Variants in PARP4 observed in about 807,000 individuals in gnomAD.
PARP4 encodes poly(ADP-ribose) polymerase family member 4.
A neutral mutation model predicts 187.7 loss-of-function variants in PARP4; 120 were observed. The observed-to-expected ratio is 0.64, with a 90% CI of 0.55 to 0.74. The LOEUF is 0.74. Ranked by LOEUF, PARP4 falls within the 30% of genes least tolerant of loss-of-function variation. PARP4 has a pLI of 0.00. For missense variants in PARP4, 1,836 were observed against 2,070.5 expected, an observed-to-expected ratio of 0.89 and a Z score of 2.20; for synonymous variants, 654 against 740.9, an observed-to-expected ratio of 0.88 and a Z score of 1.90.
rs748121196 is a variant in PARP4 at position 24,435,310 on chromosome 13, T to C, written c.3831A>G (p.Glu1277=). 1 of 1,612,728 alleles carries C rather than the reference T, an allele frequency of 6.2e-7. No homozygotes were observed. Among genetic ancestry groups the C allele is most frequent in the Non-Finnish European group, 8.5e-7 (1 of 1,179,882 alleles). The change falls in exon 31 of 34, where the codon GAA becomes GAG. Residue 1277 remains glutamate, a synonymous_variant. Coordinates refer to ENST00000381989, the MANE Select transcript of PARP4 (RefSeq NM_006437.4). Reference sequence around the variant, plus strand: ...CCAATAGCTTTTCCACACCTCCACGTTCCAAATTTGATGTGAAAGCTGGTA... The same window carrying C: ...CCAATAGCTTTTCCACACCTCCACGCTCCAAATTTGATGTGAAAGCTGGTA... ...GVLPAFTSNL[E]RGGVEKLLDL...
intron 9 of PARP4, among the ~76,000 whole-genome samples, 176 bp from the exon 10 acceptor site, chr13:24,491,004 T>C (rs890181883): frequency 2.0e-5 from 3 of 152,180 alleles, no homozygotes; most frequent in African/African-American, 4.8e-5. Flanking sequence ...TGTAGTGGCA[T>C]GACCATAGCT....
In PARP4 at chr13:24,462,153, G is replaced by A. The variant is rs146593307; in HGVS notation, c.2134-2017C>T. Among the ~76,000 whole-genome samples, 9 of 152,330 alleles carry A rather than the reference G, an allele frequency of 5.9e-5. No individual in the cohort carries two copies. In the East Asian group the frequency reaches 1.4e-3, roughly 23 times the overall value. ...GAAGAATGCCCCTGCCCCACCAGGAGCCTAGTACAGCACATCAAGCAACAG... is the reference window on the plus strand; with the variant it reads ...GAAGAATGCCCCTGCCCCACCAGGAACCTAGTACAGCACATCAAGCAACAG... On this transcript the variant is annotated intron_variant, in intron 17 of 33. Coordinates refer to ENST00000381989, the MANE Select transcript of PARP4 (RefSeq NM_006437.4).
At chr13:24,434,260 T>C in intron 31 of PARP4, 135 bp downstream of exon 31, 1 of 558,750 alleles carries the variant, frequency 1.8e-6, no homozygotes. Context: ...AGCAGTATGA[T>C]TTATACCCAG....
chr13:24,453,308 G>GA (rs1051389935), intron 23 of PARP4, among the ~76,000 whole-genome samples: 3 of 149,928 alleles, frequency 2.0e-5, no homozygotes, highest in Non-Finnish European at 4.4e-5. Flanking sequence ...CATTTTAAGA[G>GA]AAAAAAAACA....
intron 5 of PARP4, among the ~76,000 whole-genome samples, chr13:24,498,743 T>C (rs1869101002): frequency 8.1e-6 from 1 of 123,086 alleles, no homozygotes. Flanking sequence ...TTGATTTTCA[T>C]TTGTGGGGAA....
rs370132349 is a variant in PARP4 at position 24,475,464 on chromosome 13, C to T, written c.1914+8G>A. ...AGTTTAAGTGTCATAAAGCCACAGA[C>T]AACATACCTGGGCTACAGTGTCTAT... is the stretch of plus-strand genomic sequence containing the variant. On this transcript the variant is annotated splice_region_variant and intron_variant, in intron 15 of 33. Transcript: ENST00000381989. 7 of 1,612,694 alleles carry T rather than the reference C, an allele frequency of 4.3e-6. No individual in the cohort carries two copies. In the African/African-American group the frequency reaches 9.3e-5, roughly 22 times the overall value.
chr13:24,499,398 T>C (rs1869147963), intron 4 of PARP4, 22 bp from the exon 5 acceptor site: 1 of 1,541,938 alleles, frequency 6.5e-7, no homozygotes, highest in African/African-American at 1.4e-5. Context: ...AGTGTATAAT[T>C]AAAATTTTAA....
chr13:24,502,235 G>T (rs1323995234), intron 2 of PARP4, among the ~76,000 whole-genome samples: 2 of 152,082 alleles, frequency 1.3e-5, no homozygotes, highest in Admixed American at 1.3e-4. Context: ...TGTAGAGATA[G>T]GGTCTTGCTA....
intron 33 of PARP4, among the ~76,000 whole-genome samples, chr13:24,426,183 A>C (rs1199944902): frequency 6.6e-6 from 1 of 152,178 alleles, no homozygotes; most frequent in Non-Finnish European, 1.5e-5. Context: ...CAGGATCAGC[A>C]GACTGCAGTG....
intron 1 of PARP4, among the ~76,000 whole-genome samples, chr13:24,508,295 C>T (rs1869820396): frequency 6.6e-6 from 1 of 152,202 alleles, no homozygotes; most frequent in Non-Finnish European, 1.5e-5. Flanking sequence ...CATGGAGTGG[C>T]TGCTCAAGTC....
chr13:24,496,504 G>T (rs2137537081), intron 6 of PARP4, among the ~76,000 whole-genome samples: 1 of 152,276 alleles, frequency 6.6e-6, no homozygotes, highest in Non-Finnish European at 1.5e-5. Flanking sequence ...ATATAATTGG[G>T]TATGTCCCTT....
chr13:24,449,849 G>T, intron 24 of PARP4, 32 bp from the exon 25 acceptor site: 1 of 1,330,728 alleles, frequency 7.5e-7, no homozygotes, highest in South Asian at 1.2e-5. Context: ...TAATTTTGAA[G>T]ACATTAGAAA....
At chr13:24,441,560 A>AC (rs1277612119) in intron 30 of PARP4, among the ~76,000 whole-genome samples, 1 of 152,274 alleles carries the variant, frequency 6.6e-6, no homozygotes, top group African/African-American at 2.4e-5. Context: ...CTATTATACT[A>AC]CCTAAATGAC....
chr13:24,476,735 T>C (rs1436717636), intron 14 of PARP4, among the ~76,000 whole-genome samples: 1 of 152,238 alleles, frequency 6.6e-6, no homozygotes, highest in Non-Finnish European at 1.5e-5. Context: ...AATGTGTTCT[T>C]ACAGTCCTAC....
At chr13:24,449,229 A>T (rs1252169656) in intron 25 of PARP4, among the ~76,000 whole-genome samples, 1 of 152,184 alleles carries the variant, frequency 6.6e-6, no homozygotes, top group Non-Finnish European at 1.5e-5. Flanking sequence ...TCTACTAAAA[A>T]TACAAACAAT....
intron 2 of PARP4, among the ~76,000 whole-genome samples, chr13:24,503,371 T>C (rs1869416651): frequency 6.6e-6 from 1 of 152,228 alleles, no homozygotes; most frequent in African/African-American, 2.4e-5. Flanking sequence ...TCTGAAATTC[T>C]ATTTTCATAT....
chr13:24,459,059 A>G lies in PARP4; in HGVS notation c.2409T>C (p.His803=). The G allele has an allele frequency of 6.2e-7, 1 of 1,602,400 alleles. No homozygotes were observed. The highest frequency in any genetic ancestry group is 8.5e-7 in the Non-Finnish European group (1 of 1,170,014). The part of the protein sequence containing the change: ...YVIEFIFSDT[H]ELKQKRTDCK... ...ATGCACTAACCTTTTGTTTCAGTTC[A>G]TGTGTATCACTGAAAATGAATTCAA... is the stretch of plus-strand genomic sequence containing the variant. Residue 803 remains histidine, a synonymous_variant, in exon 20 of 34, where the codon CAT becomes CAC. Coordinates refer to ENST00000381989, the MANE Select transcript of PARP4 (RefSeq NM_006437.4).
intron 10 of PARP4, among the ~76,000 whole-genome samples, chr13:24,487,296 T>C (rs1873617260): frequency 2.0e-5 from 3 of 146,822 alleles, no homozygotes; most frequent in Admixed American, 2.0e-4. Flanking sequence ...CCTTAAGTGC[T>C]GTTTAGGAAA....
chr13:24,504,337 G>A (rs574232100), intron 1 of PARP4, among the ~76,000 whole-genome samples: 9 of 109,858 alleles, frequency 8.2e-5, no homozygotes, highest in Non-Finnish European at 1.2e-4. Flanking sequence ...TTTTGGAGAC[G>A]GAATCTCACT....
Sources: gnomAD v4.1 joint callset for allele counts (sites outside exome capture counted in the v4.1 genomes callset) on GRCh38, gnomAD v4.1.1 for gene constraint, MANE v1.5 for transcripts, NCBI Gene and HGNC (gene_info 2026-07-23, HGNC 2026-07-21) for gene names.